The following AOPEP variants were observed in gnomAD, a reference collection of about 807,000 sequenced individuals.
AOPEP encodes aminopeptidase O.
Under a neutral mutation model 98.1 loss-of-function variants are expected in AOPEP, and 77 were observed. The observed-to-expected ratio is 0.78, with a 90% confidence interval of 0.65 to 0.95. The LOEUF is 0.95. AOPEP is among the 40% of genes least tolerant of loss of function. The pLI, the probability that AOPEP is intolerant of heterozygous loss-of-function variation, is 0.00. For missense variants in AOPEP, 1,024 were observed against 1,024.7 expected (o/e 1.00, Z 0.01); for synonymous variants, 346 against 365.3 (o/e 0.95, Z 0.60).
At position 94,907,894 on chromosome 9, in the gene AOPEP, G is replaced by A. The variant is rs993119884; in HGVS notation, c.1365-16092G>A. Among the ~76,000 whole-genome samples the A allele has an allele frequency of 2.0e-5, 3 of 152,142 alleles. No homozygotes were observed. The South Asian group carries it at 6.2e-4, about 32-fold the overall frequency. The stretch of plus-strand genomic sequence containing the variant: ...CTTTCCTCATTTGCTCTCTGGAGGT[G>A]GAGGTTACTCTAAGTGCCCTTCAAA... On this transcript the variant is annotated intron_variant, in intron 5 of 16. Coordinates refer to ENST00000375315, the MANE Select transcript of AOPEP (RefSeq NM_001193329.3).
intron 7 of AOPEP, among the ~76,000 whole-genome samples, chr9:94,939,267 A>G (rs946938710): frequency 6.6e-6 from 1 of 151,180 alleles, no homozygotes; most frequent in African/African-American, 2.4e-5. Context: ...AAAAAAAAAG[A>G]AGGCTTCTAA....
intron 8 of AOPEP, 149 bp from the exon 9 acceptor site, chr9:94,955,759 G>C: frequency 5.3e-6 from 3 of 566,878 alleles, no homozygotes; most frequent in Non-Finnish European, 9.5e-6. Flanking sequence ...CGCCTTCCTG[G>C]TGAAAATGGA....
intron 7 of AOPEP, among the ~76,000 whole-genome samples, chr9:94,939,058 C>T (rs1483438912): frequency 6.6e-6 from 1 of 151,984 alleles, no homozygotes; most frequent in Non-Finnish European, 1.5e-5. Flanking sequence ...GACCAGCCTG[C>T]CCAATATGGT....
At chr9:95,039,188 C>CAATTGAGCAATTGAGCTCAA (rs1326907503) in intron 13 of AOPEP, among the ~76,000 whole-genome samples, 3 of 152,062 alleles carry the variant, frequency 2.0e-5, no homozygotes, top group Non-Finnish European at 4.4e-5. Context: ...GCATCTTGAG[C>CAATTGAGCAATTGAGCTCAA]AAGATGGAGC....
At chr9:94,999,305 G>C (rs1188974959) in intron 11 of AOPEP, among the ~76,000 whole-genome samples, 1 of 152,052 alleles carries the variant, frequency 6.6e-6, no homozygotes, top group Non-Finnish European at 1.5e-5. Flanking sequence ...AAAAGGATGG[G>C]GCCAGGAATT....
Position 94,772,235 on chromosome 9 carries a change from CAA to C in AOPEP, c.798-766_798-765del, listed in dbSNP as rs536560858. Among the ~76,000 whole-genome samples the C allele has an allele frequency of 9.8e-4, 150 of 152,322 alleles. 1 individual carries two copies. Among genetic ancestry groups the C allele is most frequent in the African/African-American group, 3.4e-3 (143 of 41,574 alleles). ...AGTCTTGTTCCTTCTACTCTGGTGT[CAA>C]GAGTGGACCCTTTGATCTTGAGAAT... On this transcript the variant is annotated intron_variant, in intron 2 of 16. Coordinates refer to ENST00000375315, the MANE Select transcript of AOPEP (RefSeq NM_001193329.3).
intron 14 of AOPEP, among the ~76,000 whole-genome samples, chr9:95,075,762 C>T (rs1387574592): frequency 6.6e-6 from 1 of 152,178 alleles, no homozygotes; most frequent in African/African-American, 2.4e-5. Context: ...TGGTACATTC[C>T]TGTAGTCCTA....
At chr9:94,981,075 T>A (rs2060151322) in intron 11 of AOPEP, among the ~76,000 whole-genome samples, 1 of 152,084 alleles carries the variant, frequency 6.6e-6, no homozygotes, top group African/African-American at 2.4e-5. Flanking sequence ...CATTAGCCCC[T>A]AGGGAGGGGG....
At position 94,947,171 on chromosome 9, in the gene AOPEP, C is replaced by T. The variant is rs565945103; in HGVS notation, c.1662-8006C>T. 5.0e-4 allele frequency among the ~76,000 whole-genome samples: 76 copies of T among 151,074 alleles called. No homozygotes were observed. In the South Asian group the frequency reaches 0.013, roughly 26 times the overall value. On this transcript the variant is annotated intron_variant, in intron 7 of 16. Transcript: ENST00000375315. ...TTTTTTTTTGTATTTTTATTAGAGA[C>T]GGGGTTTCACTGTGTTAGCCAGGAT... is the stretch of plus-strand genomic sequence containing the variant.
At chr9:95,120,667 A>G in the AOPEP span, among the ~76,000 whole-genome samples, 2 of 152,104 alleles carry the variant, frequency 1.3e-5, no homozygotes, top group African/African-American at 2.4e-5. Flanking sequence ...GACTCAAGCA[A>G]TCCTCCCACC....
chr9:94,945,573 G>A (rs1589029296), intron 7 of AOPEP, among the ~76,000 whole-genome samples: 1 of 152,174 alleles, frequency 6.6e-6, no homozygotes, highest in Non-Finnish European at 1.5e-5. Flanking sequence ...AACCAGGCAA[G>A]CCCTCCACCC....
chr9:95,121,751 A>G, the AOPEP span, among the ~76,000 whole-genome samples: 3 of 152,206 alleles, frequency 2.0e-5, no homozygotes, highest in Non-Finnish European at 4.4e-5. Context: ...TGTTTGTTTT[A>G]TATAGTGCAA....
chr9:94,979,325 T>A, intron 10 of AOPEP, 42 bp from the exon 11 acceptor site: 1 of 1,395,382 alleles, frequency 7.2e-7, no homozygotes, highest in Non-Finnish European at 1.0e-6. Context: ...AAGCGCTCTG[T>A]AACTTTTTAA....
At chr9:94,883,324 T>A (rs907720210) in intron 5 of AOPEP, among the ~76,000 whole-genome samples, 3 of 152,134 alleles carry the variant, frequency 2.0e-5, no homozygotes, top group Non-Finnish European at 4.4e-5. Context: ...GCCTTCAGAA[T>A]CAAAACAGAT....
At chr9:94,909,291 C>A (rs1465037941) in intron 5 of AOPEP, among the ~76,000 whole-genome samples, 2 of 149,112 alleles carry the variant, frequency 1.3e-5, no homozygotes, top group Non-Finnish European at 3.0e-5. Context: ...TTTTTCTTTC[C>A]GCCAGGCTTT....
chr9:94,771,406 T>C (rs1840841440), intron 2 of AOPEP, among the ~76,000 whole-genome samples: 1 of 152,014 alleles, frequency 6.6e-6, no homozygotes, highest in African/African-American at 2.4e-5. Context: ...GGTACAAAGG[T>C]GTTTAGACTT....
chr9:94,929,816 A>G (rs985127422), intron 7 of AOPEP, among the ~76,000 whole-genome samples: 19 of 152,260 alleles, frequency 1.2e-4, no homozygotes, highest in Non-Finnish European at 2.6e-4. Context: ...GGTGATGTCC[A>G]TACTAACTGG....
At chr9:94,774,670 G>A in intron 3 of AOPEP, among the ~76,000 whole-genome samples, 1 of 151,872 alleles carries the variant, frequency 6.6e-6, no homozygotes, top group East Asian at 1.9e-4. Context: ...TTTTTTTCCT[G>A]TTATAAATAA....
intron 7 of AOPEP, among the ~76,000 whole-genome samples, chr9:94,942,394 CA>C (rs1455281200): frequency 2.6e-5 from 4 of 152,058 alleles, no homozygotes; most frequent in Non-Finnish European, 5.9e-5. Flanking sequence ...GAATGGATGA[CA>C]AAAACTATAT....
Sources: gnomAD v4.1 joint callset for allele counts (sites outside exome capture counted in the v4.1 genomes callset) on GRCh38, gnomAD v4.1.1 for gene constraint, MANE v1.5 for transcripts, NCBI Gene and HGNC (gene_info 2026-07-23, HGNC 2026-07-21) for gene names.